VPS8: variants seen among roughly 807,000 people sequenced by gnomAD.
VPS8 encodes vacuolar protein sorting-associated protein 8 homolog.
Under a neutral mutation model 216.4 loss-of-function variants are expected in VPS8, and 129 were observed. That is an observed-to-expected ratio of 0.60 (90% CI 0.52 to 0.69). The LOEUF (loss-of-function observed/expected upper bound fraction) is 0.69. Among genes scored for constraint, VPS8 ranks in the 30% least tolerant of loss-of-function variants. VPS8 has a pLI of 0.00. For missense variants in VPS8, 1,531 were observed against 1,683.5 expected, an observed-to-expected ratio of 0.91 and a Z score of 1.59; for synonymous variants, 571 against 565.4, an observed-to-expected ratio of 1.01 and a Z score of -0.14.
At chr3:184,879,510 A>C (rs1729901346) in intron 21 of VPS8, among the ~76,000 whole-genome samples, 1 of 152,106 alleles carries the variant, frequency 6.6e-6, no homozygotes, top group Admixed American at 6.5e-5. Flanking sequence ...TCCTGTAGAG[A>C]GGCATATGTA....
At chr3:184,968,468 A>T (rs1470697180) in intron 39 of VPS8, among the ~76,000 whole-genome samples, 3 of 152,208 alleles carry the variant, frequency 2.0e-5, no homozygotes, top group Admixed American at 2.0e-4. Context: ...TGTTTTCCCT[A>T]GTTGCTGCTT....
intron 22 of VPS8, chr3:184,893,161 G>A: frequency 1.3e-6 from 1 of 740,948 alleles, no homozygotes; most frequent in Non-Finnish European, 1.7e-6. Context: ...TGTTGCAAAT[G>A]CTGTTAATTG....
chr3:185,012,475 T>A (rs1755159395), intron 45 of VPS8, among the ~76,000 whole-genome samples: 1 of 150,860 alleles, frequency 6.6e-6, no homozygotes, highest in Admixed American at 6.6e-5. Context: ...ATATCTGAAA[T>A]TTTCCCAAAT....
chr3:185,044,182 C>G (rs1222638763), intron 46 of VPS8, among the ~76,000 whole-genome samples: 1 of 152,102 alleles, frequency 6.6e-6, no homozygotes, highest in African/African-American at 2.4e-5. Context: ...AAGAGTGAAA[C>G]TCCGTCTCAA....
intron 25 of VPS8, among the ~76,000 whole-genome samples, chr3:184,908,361 T>C (rs1166566056): frequency 6.6e-6 from 1 of 152,144 alleles, no homozygotes; most frequent in African/African-American, 2.4e-5. Context: ...CTCAGCCCCT[T>C]GTGGGAGGGA....
intron 19 of VPS8, 136 bp downstream of exon 19, chr3:184,869,172 A>G (rs1427698107): frequency 4.9e-6 from 4 of 814,378 alleles, no homozygotes; most frequent in Non-Finnish European, 7.7e-6. Context: ...AACCTTATAG[A>G]CTTTCAGTTA....
At chr3:185,017,351 C>T (rs1366575436) in intron 45 of VPS8, among the ~76,000 whole-genome samples, 1 of 152,084 alleles carries the variant, frequency 6.6e-6, no homozygotes, top group Non-Finnish European at 1.5e-5. Flanking sequence ...ATTTCTTTCC[C>T]TGAATAGTTA....
At chr3:184,964,658 T>C in intron 38 of VPS8, 101 bp downstream of exon 38, 1 of 608,586 alleles carries the variant, frequency 1.6e-6, no homozygotes, top group Non-Finnish European at 2.5e-6. Context: ...CAGACCGTAA[T>C]ATATTTTACC....
intron 26 of VPS8, among the ~76,000 whole-genome samples, chr3:184,914,018 C>G (rs1266868223): frequency 1.3e-5 from 2 of 152,150 alleles, no homozygotes; most frequent in African/African-American, 4.8e-5. Context: ...AAGTTAGTAA[C>G]AGAGGTAAAA....
rs141344520 is a variant in VPS8, at chr3:184,982,463, C to T, written c.3421-103C>T. Reference sequence around the variant, plus strand: ...TACCAACAAATGTATGTGAGAAGTACGTTTCAACCTGTAAAACATCATGCT... The same window carrying T: ...TACCAACAAATGTATGTGAGAAGTATGTTTCAACCTGTAAAACATCATGCT... On this transcript the variant is annotated intron_variant, in intron 40 of 47. Coordinates refer to ENST00000625842, the MANE Select transcript of VPS8 (RefSeq NM_001009921.3). The T allele has an allele frequency of 1.2e-3, 817 of 708,896 alleles. 4 individuals carry two copies. The African/African-American group carries it at 0.012, about 11-fold the overall frequency. The allele number at this position is 708,896 out of a possible 1,614,324, so 43.9% of individuals were successfully genotyped here.
chr3:184,950,216 CTTTTTTTTTT>C (rs10700220), intron 36 of VPS8, among the ~76,000 whole-genome samples: 1,974 of 39,960 alleles, frequency 0.049, 74 homozygotes, highest in African/African-American at 0.11. Flanking sequence ...CAGTTTTCTG[CTTTTTTTTTT>C]TTTTTTTTTT....
intron 13 of VPS8, among the ~76,000 whole-genome samples, chr3:184,854,936 G>C (rs1407579475): frequency 6.6e-6 from 1 of 152,116 alleles, no homozygotes; most frequent in East Asian, 1.9e-4. Flanking sequence ...TGGTGGTACA[G>C]AACTCTGGCT....
intron 25 of VPS8, 112 bp from the exon 26 acceptor site, chr3:184,913,402 GAATAT>G: frequency 1.2e-6 from 1 of 818,932 alleles, no homozygotes; most frequent in Non-Finnish European, 2.0e-6. Context: ...TGTTATTTGG[GAATAT>G]ACTTACCTCA....
intron 46 of VPS8, among the ~76,000 whole-genome samples, chr3:185,028,769 C>G (rs1438245402): frequency 6.6e-6 from 1 of 152,214 alleles, no homozygotes; most frequent in Non-Finnish European, 1.5e-5. Flanking sequence ...GTTGAGATTG[C>G]CTCTCTACTT....
chr3:184,906,203 T>A (rs1471466309), intron 25 of VPS8, among the ~76,000 whole-genome samples: 1 of 152,242 alleles, frequency 6.6e-6, no homozygotes, highest in East Asian at 1.9e-4. Flanking sequence ...AGAAGTGTGT[T>A]GTCTAATTTC....
In VPS8 at chr3:184,964,500, C is replaced by T. The variant is rs751560275; in HGVS notation, c.3216C>T (p.Thr1072=). ...ITQKYQLHEV[T]AYLLEKKGDI... is the part of the protein sequence containing the mutation. Reference sequence around the variant, plus strand: ...AGAAGTATCAACTTCATGAAGTCACCGCTTATCTATTGGAAAAGAAAGGAG... The same window carrying T: ...AGAAGTATCAACTTCATGAAGTCACTGCTTATCTATTGGAAAAGAAAGGAG... The change falls in exon 38 of 48, where the codon ACC becomes ACT. Residue 1072 remains threonine (T), a synonymous_variant. Coordinates refer to ENST00000625842, the MANE Select transcript of VPS8 (RefSeq NM_001009921.3). 33 of 1,518,276 alleles carry T rather than the reference C, an allele frequency of 2.2e-5. 1 individual carries two copies. Among genetic ancestry groups the T allele is most frequent in the East Asian group, 2.5e-5 (1 of 39,832 alleles). The allele number at this position is 1,518,276 out of a possible 1,614,324, so 94.1% of individuals were successfully genotyped here.
intron 45 of VPS8, among the ~76,000 whole-genome samples, chr3:185,008,019 G>T (rs943548146): frequency 3.3e-5 from 5 of 151,584 alleles, no homozygotes; most frequent in African/African-American, 1.2e-4. Flanking sequence ...ATATAAATAG[G>T]TCATATCAAT....
At chr3:184,978,688 G>A (rs1054010704) in intron 40 of VPS8, among the ~76,000 whole-genome samples, 5 of 152,104 alleles carry the variant, frequency 3.3e-5, no homozygotes, top group African/African-American at 9.7e-5. Context: ...GTGAGCCATC[G>A]CACCTGGCCT....
At chr3:184,996,605 G>A (rs1752649554) in intron 44 of VPS8, 104 bp downstream of exon 44, 11 of 1,329,296 alleles carry the variant, frequency 8.3e-6, no homozygotes, top group African/African-American at 4.4e-5. Context: ...AGCAGTGAAC[G>A]TGATAGGCAA....
Sources: allele counts gnomAD v4.1 joint callset (sites outside exome capture counted in the v4.1 genomes callset), GRCh38; gene constraint gnomAD v4.1.1; transcripts MANE v1.5; gene names NCBI Gene and HGNC (gene_info 2026-07-23, HGNC 2026-07-21).